The following IL15 variants were observed in gnomAD, a reference collection of about 807,000 sequenced individuals.
IL15 encodes the protein interleukin-15.
Under a neutral mutation model 19.6 loss-of-function variants are expected in IL15, and 11 were observed. The ratio of observed to expected loss-of-function variants is 0.56; its 90% CI spans 0.35 to 0.93. IL15 has a LOEUF of 0.93. Ranked by LOEUF, IL15 falls within the 40% of genes least tolerant of loss-of-function variation. The pLI is 0.01. For synonymous variants in IL15, 58 were observed against 59.6 expected (o/e 0.97, Z 0.12); for missense variants, 197 against 186.5 (o/e 1.06, Z -0.33).
At chr4:141,655,421 A>C (rs151087315) in intron 1 of IL15, among the ~76,000 whole-genome samples, 1 of 152,102 alleles carries the variant, frequency 6.6e-6, no homozygotes, top group Non-Finnish European at 1.5e-5. Flanking sequence ...TGGGTGTAAG[A>C]TCAACTTTTA....
rs543953479 is a variant in IL15, at chr4:141,657,355, G to T, written c.-100+1048G>T. Among the ~76,000 whole-genome samples the T allele has an allele frequency of 9.8e-4, 149 of 152,066 alleles. 1 individual carries two copies. The highest frequency in any genetic ancestry group is 3.2e-3 in the African/African-American group (134 of 41,522). On this transcript the variant is annotated intron_variant, in intron 2 of 7. Coordinates refer to ENST00000320650, the MANE Select transcript of IL15 (RefSeq NM_000585.5). ...ACATTACTTCACACTACTGTAAACT[G>T]TATAAACACTGTACACTTAGGTCCT...
intron 2 of IL15, among the ~76,000 whole-genome samples, chr4:141,694,166 T>C (rs1301263213): frequency 6.6e-6 from 1 of 152,150 alleles, no homozygotes; most frequent in Non-Finnish European, 1.5e-5. Flanking sequence ...AGATGGAAGA[T>C]GTGGAAGTCC....
chr4:141,720,417 C>T, intron 3 of IL15, 52 bp from the exon 4 acceptor site: 1 of 909,988 alleles, frequency 1.1e-6, no homozygotes, highest in South Asian at 1.4e-5. Context: ...TATTTTAAAC[C>T]TCACTTTTTA....
At chr4:141,686,124 G>T (rs763415135) in intron 2 of IL15, among the ~76,000 whole-genome samples, 24 of 151,712 alleles carry the variant, frequency 1.6e-4, no homozygotes, top group Non-Finnish European at 2.6e-4. Context: ...GCGAAACCCC[G>T]TCTCTGCTAA....
At chr4:141,705,486 T>A (rs980514603) in intron 2 of IL15, among the ~76,000 whole-genome samples, 3 of 152,046 alleles carry the variant, frequency 2.0e-5, no homozygotes, top group Non-Finnish European at 4.4e-5. Flanking sequence ...TTAAGACTTG[T>A]TTTGTGGCCT....
chr4:141,709,847 G>A (rs1391929546), intron 2 of IL15, among the ~76,000 whole-genome samples: 1 of 152,088 alleles, frequency 6.6e-6, no homozygotes, highest in East Asian at 1.9e-4. Flanking sequence ...GCTGAGGTTT[G>A]GTGTATGAAT....
chr4:141,641,303 A>C (rs138262415), intron 1 of IL15, among the ~76,000 whole-genome samples: 4 of 152,344 alleles, frequency 2.6e-5, no homozygotes, highest in African/African-American at 9.6e-5. Flanking sequence ...AATTAATCAA[A>C]GGAACCATTA....
At chr4:141,664,342 AACACACACACACACACACACAC>A (rs35153516) in intron 2 of IL15, among the ~76,000 whole-genome samples, 5 of 130,950 alleles carry the variant, frequency 3.8e-5, no homozygotes, top group Non-Finnish European at 6.4e-5. Flanking sequence ...TGGTGGGCAA[AACACACACACACACACACACAC>A]ACACACACAC....
At position 141,721,074 on chromosome 4, in the gene IL15, C is replaced by G. The variant is rs1730057137; in HGVS notation, c.110+508C>G. 7 of 1,328,314 alleles carry G rather than the reference C, an allele frequency of 5.3e-6. No homozygotes were observed. In the South Asian group the frequency reaches 7.6e-5, roughly 14 times the overall value. The allele number at this position is 1,328,314 out of a possible 1,614,324, so 82.3% of individuals were successfully genotyped here. A position where few individuals can be genotyped will look rare whatever the true frequency, so the allele number is the denominator to read the frequency against. ...TCTCTCTTAGATGCAGCTAATATAC[C>G]CAGTTGGCCCAAAGCACCTAACCTA... On this transcript the variant is annotated intron_variant, in intron 4 of 7. Coordinates refer to ENST00000320650, the MANE Select transcript of IL15 (RefSeq NM_000585.5).
At chr4:141,678,204 C>T (rs566274338) in intron 2 of IL15, among the ~76,000 whole-genome samples, 2 of 152,166 alleles carry the variant, frequency 1.3e-5, no homozygotes, top group South Asian at 4.2e-4. Flanking sequence ...TTGTTATGCC[C>T]CATATATTTC....
At chr4:141,646,108 TGG>T (rs1289825156) in intron 1 of IL15, among the ~76,000 whole-genome samples, 3 of 152,004 alleles carry the variant, frequency 2.0e-5, no homozygotes, top group Admixed American at 6.6e-5. Context: ...TGCATGTTCA[TGG>T]GGGGAAGGCA....
intron 2 of IL15, among the ~76,000 whole-genome samples, chr4:141,684,992 G>C (rs780987298): frequency 2.0e-5 from 3 of 151,588 alleles, no homozygotes; most frequent in Non-Finnish European, 4.4e-5. Context: ...TCATGAAATA[G>C]TGTAAGTCAA....
chr4:141,668,686 T>A (rs1728073320), intron 2 of IL15, among the ~76,000 whole-genome samples: 1 of 152,204 alleles, frequency 6.6e-6, no homozygotes, highest in Non-Finnish European at 1.5e-5. Flanking sequence ...ACCCACTAGC[T>A]GATATGCCAA....
At chr4:141,686,827 G>A (rs979401106) in intron 2 of IL15, among the ~76,000 whole-genome samples, 3 of 152,028 alleles carry the variant, frequency 2.0e-5, no homozygotes, top group African/African-American at 4.8e-5. Context: ...AAATATTATT[G>A]TTACTAGTAA....
At chr4:141,696,904 G>T (rs960625080) in intron 2 of IL15, among the ~76,000 whole-genome samples, 1 of 152,036 alleles carries the variant, frequency 6.6e-6, no homozygotes, top group Admixed American at 6.5e-5. Flanking sequence ...TGTACGTTAT[G>T]AATATTAGTC....
intron 7 of IL15, among the ~76,000 whole-genome samples, chr4:141,732,313 T>C (rs1004147700): frequency 1.4e-4 from 22 of 152,176 alleles, no homozygotes; most frequent in African/African-American, 4.8e-4. Flanking sequence ...ATGCTGTGCA[T>C]GGCAAGGAAA....
intron 2 of IL15, among the ~76,000 whole-genome samples, chr4:141,677,985 C>T (rs538027744): frequency 7.9e-5 from 12 of 152,254 alleles, no homozygotes; most frequent in Admixed American, 7.8e-4. Context: ...GGTTGAACTC[C>T]AGAGCTTTGT....
intron 2 of IL15, among the ~76,000 whole-genome samples, chr4:141,669,360 ACT>A (rs1351320756): frequency 2.2e-4 from 33 of 152,174 alleles, no homozygotes; most frequent in Admixed American, 2.0e-4. Context: ...AGTAGTGTTG[ACT>A]TAAATTAGTT....
intron 2 of IL15, among the ~76,000 whole-genome samples, chr4:141,683,426 C>A (rs1368726960): frequency 6.6e-6 from 1 of 151,724 alleles, no homozygotes; most frequent in Non-Finnish European, 1.5e-5. Context: ...AAAAAATTAG[C>A]CTGGCATGGC....
Sources: allele counts gnomAD v4.1 joint callset (sites outside exome capture counted in the v4.1 genomes callset), GRCh38; gene constraint gnomAD v4.1.1; transcripts MANE v1.5; gene names NCBI Gene and HGNC (gene_info 2026-07-23, HGNC 2026-07-21).